PCDHA9: variants seen among roughly 807,000 people sequenced by gnomAD.
PCDHA9 encodes protocadherin alpha-9.
Under a neutral mutation model 62.0 loss-of-function variants are expected in PCDHA9, and 62 were observed. That is an observed-to-expected ratio of 1.00 (90% CI 0.81 to 1.23). The LOEUF (loss-of-function observed/expected upper bound fraction) is 1.23. Ranked by LOEUF, PCDHA9 falls within the 50% of genes most tolerant of loss-of-function variation. PCDHA9 has a pLI of 0.00. For synonymous variants in PCDHA9, 557 were observed against 567.6 expected (o/e 0.98, Z 0.27); for missense variants, 1,205 against 1,249.8 (o/e 0.96, Z 0.54).
intron 1 of PCDHA9, among the ~76,000 whole-genome samples, chr5:140,975,986 G>C (rs1554237183): frequency 6.6e-6 from 1 of 152,112 alleles, no homozygotes; most frequent in East Asian, 1.9e-4. Context: ...ATAGTCCTGG[G>C]AGGTACCATC....
intron 1 of PCDHA9, chr5:140,927,342 T>C: frequency 6.2e-7 from 1 of 1,614,160 alleles, no homozygotes; most frequent in Non-Finnish European, 8.5e-7. Context: ...ATGCCCAAGA[T>C]GACGACGAGG....
chr5:140,858,417 G>A, intron 1 of PCDHA9: 1 of 1,560,448 alleles, frequency 6.4e-7, no homozygotes, highest in Non-Finnish European at 8.7e-7. Context: ...CAGTCTATTG[G>A]AGGGGACCAC....
intron 1 of PCDHA9, among the ~76,000 whole-genome samples, chr5:140,909,441 C>A (rs971678951): frequency 2.6e-5 from 4 of 152,214 alleles, no homozygotes; most frequent in African/African-American, 9.7e-5. Flanking sequence ...AATCCACTGT[C>A]ATTCTCCAAG....
intron 1 of PCDHA9, among the ~76,000 whole-genome samples, chr5:140,925,028 T>C (rs2082253756): frequency 6.6e-6 from 1 of 151,580 alleles, no homozygotes; most frequent in Admixed American, 6.6e-5. Context: ...GGAGGATCGC[T>C]TGAGCCCAGA....
chr5:140,921,215 CT>C (rs2080099389), intron 1 of PCDHA9, among the ~76,000 whole-genome samples: 1 of 151,942 alleles, frequency 6.6e-6, no homozygotes, highest in Admixed American at 6.6e-5. Context: ...TAATTCACGT[CT>C]TTTTTGCTAG....
intron 1 of PCDHA9, chr5:140,870,927 T>C (rs782446287): frequency 1.9e-6 from 3 of 1,613,880 alleles, no homozygotes; most frequent in Non-Finnish European, 2.5e-6. Context: ...GGCTTTCATA[T>C]GAATTGCAGC....
At chr5:140,958,796 T>C (rs2095443333) in intron 1 of PCDHA9, among the ~76,000 whole-genome samples, 2 of 152,182 alleles carry the variant, frequency 1.3e-5, no homozygotes, top group Admixed American at 6.5e-5. Context: ...TCTAGTAAAT[T>C]ATCACACCAT....
chr5:140,900,151 G>A lies in PCDHA9; in HGVS notation c.2394+49262G>A, dbSNP rs114795695. On this transcript the variant is annotated intron_variant, in intron 1 of 3. Coordinates refer to ENST00000532602, the MANE Select transcript of PCDHA9 (RefSeq NM_031857.2). ...GTACCACAAATAAGTAAGAACATAC[G>A]ATATTTGTCTTTCTGTGCCTGGTTT... is the stretch of plus-strand genomic sequence containing the variant. Among the ~76,000 whole-genome samples, 787 of 152,242 alleles carry A rather than the reference G, an allele frequency of 5.2e-3. 9 individuals carry two copies. Among genetic ancestry groups the A allele is most frequent in the African/African-American group, 0.018 (746 of 41,554 alleles).
At chr5:140,950,608 T>G (rs1490243292) in intron 1 of PCDHA9, among the ~76,000 whole-genome samples, 1 of 152,086 alleles carries the variant, frequency 6.6e-6, no homozygotes, top group Non-Finnish European at 1.5e-5. Context: ...GACTATGATG[T>G]GCTTATTTAT....
intron 1 of PCDHA9, among the ~76,000 whole-genome samples, chr5:140,937,187 G>A (rs1443565443): frequency 6.6e-6 from 1 of 151,764 alleles, no homozygotes; most frequent in Non-Finnish European, 1.5e-5. Context: ...ACAGGCGCCC[G>A]CCACCATGCC....
chr5:140,949,529 T>C (rs2094389085), intron 1 of PCDHA9, among the ~76,000 whole-genome samples: 1 of 151,910 alleles, frequency 6.6e-6, no homozygotes, highest in South Asian at 2.1e-4. Flanking sequence ...TTTATCTTCA[T>C]AAAATATCGA....
chr5:140,956,878 A>G (rs890203275), intron 1 of PCDHA9, among the ~76,000 whole-genome samples: 4 of 152,188 alleles, frequency 2.6e-5, no homozygotes, highest in Admixed American at 2.6e-4. Context: ...GAAAAGTTAG[A>G]TATCAATGAA....
intron 1 of PCDHA9, among the ~76,000 whole-genome samples, chr5:140,975,698 T>C (rs1298498012): frequency 6.6e-6 from 1 of 152,202 alleles, no homozygotes; most frequent in Non-Finnish European, 1.5e-5. Flanking sequence ...TTTAAACTTA[T>C]TTTACTTTAA....
intron 1 of PCDHA9, chr5:140,877,951 G>A (rs1562741853): frequency 7.4e-7 from 1 of 1,344,742 alleles, no homozygotes; most frequent in Non-Finnish European, 9.7e-7. Context: ...ACTATCGAAT[G>A]TCTCATCTTT....
chr5:140,862,794 G>A (rs1554156969), intron 1 of PCDHA9: 1 of 575,742 alleles, frequency 1.7e-6, no homozygotes, highest in Non-Finnish European at 3.3e-6. Flanking sequence ...ACTACGAGGA[G>A]CTGGAGCTGC....
At chr5:140,876,209 G>A in intron 1 of PCDHA9, 1 of 1,613,924 alleles carries the variant, frequency 6.2e-7, no homozygotes. Flanking sequence ...GATAAGCCCA[G>A]CTATAAAGTA....
chr5:140,900,380 C>T (rs554914375), intron 1 of PCDHA9, among the ~76,000 whole-genome samples: 2 of 152,208 alleles, frequency 1.3e-5, no homozygotes, highest in Admixed American at 6.5e-5. Flanking sequence ...TGGGTTCAAG[C>T]GATTCTCCTG....
At position 140,946,611 on chromosome 5, in the gene PCDHA9, A is replaced by AATATATATATATATATAT. The variant is rs1554217734; in HGVS notation, c.2395-32334_2395-32317dup. Among the ~76,000 whole-genome samples, 487 of 86,718 alleles carry AATATATATATATATATAT rather than the reference A, an allele frequency of 5.6e-3. 17 individuals are homozygous for AATATATATATATATATAT. The highest frequency in any genetic ancestry group is 0.01 in the African/African-American group (158 of 15,660). 56.9% of individuals were successfully genotyped at this position (86,718 alleles called of 152,430 possible). The stretch of plus-strand genomic sequence containing the variant: ...GGATGAATAGATAAAGAAAATGTGA[A>AATATATATATATATATAT]ATATATATATATATATATATACAAT... On this transcript the variant is annotated intron_variant, in intron 1 of 3. Coordinates refer to ENST00000532602, the MANE Select transcript of PCDHA9 (RefSeq NM_031857.2).
chr5:140,850,665 T>TCGGCGATGCC lies in PCDHA9; in HGVS notation c.2172_2181dup (p.Thr728GlyfsTer19). On this transcript the variant is annotated frameshift_variant, in exon 1 of 4. Transcript: ENST00000532602. LOFTEE classifies it high-confidence loss of function. ...GCTGCTGTACACTGTGCTGCGGTGC[T>TCGGCGATGCC]CGGCGATGCCCACCGAGGGCGAGTG... 6.3e-7 allele frequency: 1 copy of TCGGCGATGCC among 1,598,290 alleles called. No homozygotes were observed. Among genetic ancestry groups the TCGGCGATGCC allele is most frequent in the African/African-American group, 1.3e-5 (1 of 74,382 alleles).
Sources: allele counts gnomAD v4.1 joint callset (sites outside exome capture counted in the v4.1 genomes callset), GRCh38; gene constraint gnomAD v4.1.1; transcripts MANE v1.5; gene names NCBI Gene and HGNC (gene_info 2026-07-23, HGNC 2026-07-21).